PAQR8: variants seen among roughly 807,000 people sequenced by gnomAD.
The protein encoded by PAQR8 is progestin and adipoQ receptor family member 8.
A neutral mutation model predicts 25.2 loss-of-function variants in PAQR8; 17 were observed. That is an observed-to-expected ratio of 0.67 (90% CI 0.46 to 1.01). PAQR8 has a LOEUF of 1.01. Ranked by LOEUF, PAQR8 falls within the 50% of genes least tolerant of loss-of-function variation. PAQR8 has a pLI of 0.00. For missense variants in PAQR8, 392 were observed against 448.4 expected (o/e 0.87, Z 1.14); for synonymous variants, 204 against 190.6 (o/e 1.07, Z -0.58).
rs967082076 is a variant in PAQR8, at chr6:52,403,198, C to T, written c.-16C>T. ...TGTCCTGAGGGCGCGGCACGGAGTG[C>T]ATGCGGGCCGCTGCCATGACGACCG... On this transcript the variant is annotated 5_prime_UTR_variant, in exon 2 of 2. Coordinates refer to ENST00000442253, the MANE Select transcript of PAQR8 (RefSeq NM_133367.5). 12 of 1,584,748 alleles carry T rather than the reference C, an allele frequency of 7.6e-6. No individual in the cohort carries two copies. Among genetic ancestry groups the T allele is most frequent in the Non-Finnish European group, 1.0e-5 (12 of 1,161,118 alleles).
intron 1 of PAQR8, among the ~76,000 whole-genome samples, chr6:52,370,881 A>G (rs963637101): frequency 3.3e-5 from 5 of 152,228 alleles, no homozygotes; most frequent in Non-Finnish European, 7.3e-5. Context: ...TAAGGAATAC[A>G]TAGAGCAGGA....
intron 1 of PAQR8, among the ~76,000 whole-genome samples, chr6:52,388,901 A>G (rs747835159): frequency 3.3e-5 from 5 of 152,216 alleles, no homozygotes; most frequent in South Asian, 2.1e-4. Context: ...GCAGGCTACA[A>G]TAACATTGGC....
At chr6:52,387,991 G>A (rs971879325) in intron 1 of PAQR8, among the ~76,000 whole-genome samples, 7 of 152,220 alleles carry the variant, frequency 4.6e-5, no homozygotes, top group African/African-American at 9.6e-5. Context: ...AGATGGGACC[G>A]TCTAGTTGCA....
chr6:52,372,446 A>G (rs955714693), intron 1 of PAQR8, among the ~76,000 whole-genome samples: 2 of 152,096 alleles, frequency 1.3e-5, no homozygotes, highest in African/African-American at 4.8e-5. Context: ...TAACTCCCTC[A>G]TGTTGGCCCC....
At chr6:52,397,728 C>G (rs1458769654) in intron 1 of PAQR8, among the ~76,000 whole-genome samples, 1 of 152,148 alleles carries the variant, frequency 6.6e-6, no homozygotes, top group Non-Finnish European at 1.5e-5. Flanking sequence ...CTGGAGTGAA[C>G]CCTGTGCAAA....
intron 1 of PAQR8, among the ~76,000 whole-genome samples, chr6:52,387,180 G>C (rs957110835): frequency 6.6e-6 from 1 of 152,226 alleles, no homozygotes; most frequent in African/African-American, 2.4e-5. Flanking sequence ...CCTTAGGAAA[G>C]AGCCCTGATG....
At chr6:52,398,952 G>A (rs1177471209) in intron 1 of PAQR8, among the ~76,000 whole-genome samples, 1 of 151,674 alleles carries the variant, frequency 6.6e-6, no homozygotes, top group Non-Finnish European at 1.5e-5. Context: ...AGCCTATGGT[G>A]GTTGTATCCC....
At chr6:52,387,857 C>G (rs1340265037) in intron 1 of PAQR8, among the ~76,000 whole-genome samples, 1 of 152,246 alleles carries the variant, frequency 6.6e-6, no homozygotes, top group African/African-American at 2.4e-5. Context: ...GTCAGATCAG[C>G]AGCAGCATTA....
At position 52,404,392 on chromosome 6, in the gene PAQR8, GAT is replaced by G. The variant is rs1239576038; in HGVS notation, c.*117_*118del. On this transcript the variant is annotated 3_prime_UTR_variant, in exon 2 of 2. Transcript: ENST00000442253. ...TTTTAAATTAATACATATATCCAAG[GAT>G]ATGTTATAGCTGCAGTGTTTGAAAG... 8.4e-4 allele frequency: 855 copies of G among 1,014,880 alleles called. 2 individuals carry two copies. The highest frequency in any genetic ancestry group is 6.6e-4 in the Non-Finnish European group (464 of 702,754). 62.9% of individuals were successfully genotyped at this position (1,014,880 alleles called of 1,614,324 possible).
At chr6:52,367,948 G>A (rs2113933300) in intron 1 of PAQR8, among the ~76,000 whole-genome samples, 1 of 152,266 alleles carries the variant, frequency 6.6e-6, no homozygotes, top group Middle Eastern at 3.4e-3. Flanking sequence ...CTTTTCTTTA[G>A]CCAGGTATGG....
rs569304153 is a variant in PAQR8, at chr6:52,375,416, C to G, written c.-53+13167C>G. 2.6e-5 allele frequency among the ~76,000 whole-genome samples: 4 copies of G among 152,306 alleles called. No homozygotes were observed. The East Asian group carries it at 7.7e-4, about 29-fold the overall frequency. The stretch of plus-strand genomic sequence containing the variant: ...TTTAGCCTGTGGTCATATTAGGTCC[C>G]TAACAGCTAGGGAGCAGATCTCCTC... On this transcript the variant is annotated intron_variant, in intron 1 of 1. Transcript: ENST00000442253.
intron 1 of PAQR8, among the ~76,000 whole-genome samples, chr6:52,396,605 G>GA (rs1562433507): frequency 1.3e-5 from 2 of 152,174 alleles, no homozygotes; most frequent in African/African-American, 4.8e-5. Flanking sequence ...GAGGGTTGGG[G>GA]ATGTGAGTTA....
At chr6:52,402,449 C>T (rs1025235494) in intron 1 of PAQR8, among the ~76,000 whole-genome samples, 1 of 150,748 alleles carries the variant, frequency 6.6e-6, no homozygotes, top group African/African-American at 2.4e-5. Flanking sequence ...GAAACCCCAT[C>T]TCTACTGAAA....
At chr6:52,379,948 A>C (rs1763539200) in intron 1 of PAQR8, among the ~76,000 whole-genome samples, 1 of 150,640 alleles carries the variant, frequency 6.6e-6, no homozygotes, top group Admixed American at 6.6e-5. Context: ...TTTTTAAGAG[A>C]TGGGGTTTCA....
chr6:52,389,432 A>G (rs1763671838), intron 1 of PAQR8, among the ~76,000 whole-genome samples: 1 of 152,136 alleles, frequency 6.6e-6, no homozygotes, highest in East Asian at 1.9e-4. Flanking sequence ...AGAAGAGAGA[A>G]GGCTCTCTAC....
chr6:52,393,091 A>T (rs758554750), intron 1 of PAQR8, among the ~76,000 whole-genome samples: 2 of 152,212 alleles, frequency 1.3e-5, no homozygotes, highest in Non-Finnish European at 2.9e-5. Flanking sequence ...AAGAACGCAG[A>T]CTTTAGAGTC....
chr6:52,390,394 C>T (rs1763689580), intron 1 of PAQR8, among the ~76,000 whole-genome samples: 1 of 152,164 alleles, frequency 6.6e-6, no homozygotes, highest in African/African-American at 2.4e-5. Context: ...GGCACAGCAA[C>T]AAATTAAGGC....
Position 52,403,355 on chromosome 6 carries a change from G to A in PAQR8, c.142G>A (p.Glu48Lys), listed in dbSNP as rs752970183. The change falls in exon 2 of 2, where the codon GAG (glutamate) becomes AAG (lysine). Residue 48 changes from glutamate to lysine, a missense_variant. Physicochemically the swap from Glu to Lys is moderately conservative, Grantham distance 56. Coordinates refer to ENST00000442253, the MANE Select transcript of PAQR8 (RefSeq NM_133367.5). ...PETDVPQLFREPYIRTGYRPT... is the reference protein window; with the variant it reads ...PETDVPQLFRKPYIRTGYRPT... ...AACGGATGTGCCCCAGCTCTTCCGG[G>A]AGCCTTACATCCGCACCGGCTACCG... The A allele has an allele frequency of 2.5e-6, 4 of 1,614,234 alleles. No individual in the cohort carries two copies. The highest frequency in any genetic ancestry group is 3.4e-6 in the Non-Finnish European group (4 of 1,180,040).
rs994516593 is a variant in PAQR8 at position 52,404,446 on chromosome 6, G to T, written c.*168G>T. On this transcript the variant is annotated 3_prime_UTR_variant, in exon 2 of 2. Transcript: ENST00000442253. ...CAAAGGATTTAAGAGTTTTGTTGTT[G>T]TTAATAAAAGGAATACTCCTTTTCC... 9 of 680,806 alleles carry T rather than the reference G, an allele frequency of 1.3e-5. No homozygotes were observed. In the African/African-American group the frequency reaches 1.4e-4, roughly 11 times the overall value. The allele number at this position is 680,806 out of a possible 1,614,324, so 42.2% of individuals were successfully genotyped here.
Sources: gnomAD v4.1 joint callset for allele counts (sites outside exome capture counted in the v4.1 genomes callset) on GRCh38, gnomAD v4.1.1 for gene constraint, MANE v1.5 for transcripts, NCBI Gene and HGNC (gene_info 2026-07-23, HGNC 2026-07-21) for gene names.